Variants in CDKAL1 observed in about 807,000 individuals in gnomAD.
CDKAL1 encodes the protein threonylcarbamoyladenosine tRNA methylthiotransferase.
Under a neutral mutation model 68.2 loss-of-function variants are expected in CDKAL1, and 32 were observed. The ratio of observed to expected loss-of-function variants is 0.47; its 90% confidence interval spans 0.35 to 0.63. The LOEUF (loss-of-function observed/expected upper bound fraction) is 0.63, where lower values mean the gene tolerates loss of function less well. Among genes scored for constraint, CDKAL1 ranks in the 30% least tolerant of loss-of-function variants. CDKAL1 has a pLI of 0.00. For synonymous variants in CDKAL1, 234 were observed against 244.3 expected, an observed-to-expected ratio of 0.96 and a Z score of 0.39; for missense variants, 606 against 696.7, an observed-to-expected ratio of 0.87 and a Z score of 1.47.
At chr6:20,581,831 C>T (rs1383831100) in intron 4 of CDKAL1, among the ~76,000 whole-genome samples, 3 of 152,096 alleles carry the variant, frequency 2.0e-5, no homozygotes, top group Admixed American at 6.5e-5. Context: ...AACCCTTAAC[C>T]CCAAGTTTTT....
intron 8 of CDKAL1, among the ~76,000 whole-genome samples, chr6:20,807,326 C>T (rs1776613604): frequency 6.6e-6 from 1 of 151,998 alleles, no homozygotes. Context: ...TGGGTTCAAG[C>T]GATTCACCTG....
chr6:21,098,737 G>A lies in CDKAL1; in HGVS notation c.1237-9664G>A, dbSNP rs77395640. Among the ~76,000 whole-genome samples, 750 of 152,172 alleles carry A rather than the reference G, an allele frequency of 4.9e-3. 8 individuals are homozygous for A. Among genetic ancestry groups the A allele is most frequent in the African/African-American group, 0.017 (700 of 41,504 alleles). On this transcript the variant is annotated intron_variant, in intron 12 of 15. Coordinates refer to ENST00000274695, the MANE Select transcript of CDKAL1 (RefSeq NM_017774.3). Reference sequence around the variant, plus strand: ...CTTTCTGTTTGGGAGGATCCTGCATGGAAGAGGTGATCTTTGAATAGGGCT... The same window carrying A: ...CTTTCTGTTTGGGAGGATCCTGCATAGAAGAGGTGATCTTTGAATAGGGCT...
chr6:21,184,661 T>A (rs750161706), intron 13 of CDKAL1, among the ~76,000 whole-genome samples: 13 of 152,190 alleles, frequency 8.5e-5, no homozygotes, highest in African/African-American at 1.4e-4. Context: ...TTAATTAATT[T>A]ATTTATTTGA....
chr6:20,737,726 A>T (rs1344097953), intron 5 of CDKAL1, among the ~76,000 whole-genome samples: 1 of 152,236 alleles, frequency 6.6e-6, no homozygotes, highest in African/African-American at 2.4e-5. Flanking sequence ...ATTCTCTTGG[A>T]TGTGTTATGC....
chr6:21,012,903 C>A (rs1427613910), intron 11 of CDKAL1, among the ~76,000 whole-genome samples: 2 of 152,304 alleles, frequency 1.3e-5, no homozygotes, highest in African/African-American at 4.8e-5. Context: ...TTTTGGCAGT[C>A]CAAGTCCCTC....
At chr6:21,207,220 A>ATT (rs141248027) in intron 15 of CDKAL1, among the ~76,000 whole-genome samples, 24 of 142,272 alleles carry the variant, frequency 1.7e-4, no homozygotes, top group East Asian at 2.2e-4. Context: ...GCCTACTTTA[A>ATT]ATTTTTTTTT....
chr6:20,714,031 G>A (rs1771968352), intron 5 of CDKAL1, among the ~76,000 whole-genome samples: 2 of 151,914 alleles, frequency 1.3e-5, no homozygotes, highest in Admixed American at 1.3e-4. Context: ...TTTTAAAAAT[G>A]AAAAATGCTT....
chr6:21,139,720 C>T (rs1379868250), intron 13 of CDKAL1, among the ~76,000 whole-genome samples: 3 of 152,088 alleles, frequency 2.0e-5, no homozygotes, highest in Non-Finnish European at 4.4e-5. Context: ...GTTGCCCAGG[C>T]TGGTCTCAAA....
At chr6:20,945,204 A>G (rs111915586) in intron 9 of CDKAL1, among the ~76,000 whole-genome samples, 2,332 of 152,252 alleles carry the variant, frequency 0.015, 55 homozygotes, top group African/African-American at 0.052. Context: ...TAATCCAAAA[A>G]TCCAAAATCC....
intron 11 of CDKAL1, among the ~76,000 whole-genome samples, chr6:21,012,852 T>G (rs905014244): frequency 1.3e-5 from 2 of 152,294 alleles, no homozygotes; most frequent in East Asian, 1.9e-4. Context: ...CGGCAATTGC[T>G]TTAGGGGTTG....
intron 7 of CDKAL1, among the ~76,000 whole-genome samples, chr6:20,761,266 T>C (rs1377888066): frequency 1.3e-5 from 2 of 152,204 alleles, no homozygotes; most frequent in Non-Finnish European, 2.9e-5. Flanking sequence ...ATCCAAAACA[T>C]TGACAACACC....
chr6:21,083,931 G>C (rs1772556529), intron 12 of CDKAL1, among the ~76,000 whole-genome samples: 3 of 152,182 alleles, frequency 2.0e-5, no homozygotes, highest in African/African-American at 4.8e-5. Flanking sequence ...CTTCTCAGAA[G>C]ATCTGAGAAG....
rs551465252 is a variant in CDKAL1 at position 21,206,198 on chromosome 6, C to T, written c.1548+4924C>T. Among the ~76,000 whole-genome samples the T allele has an allele frequency of 5.9e-5, 9 of 152,026 alleles. No individual in the cohort carries two copies. The East Asian group carries it at 1.2e-3, about 20-fold the overall frequency. ...CCATTTTAATTGCAGGAGTCTTATTCGATAACTTCTGGACACCAGTTTCTT... is the reference window on the plus strand; with the variant it reads ...CCATTTTAATTGCAGGAGTCTTATTTGATAACTTCTGGACACCAGTTTCTT... On this transcript the variant is annotated intron_variant, in intron 15 of 15. Transcript: ENST00000274695.
At chr6:21,071,239 G>A (rs554663185) in intron 12 of CDKAL1, among the ~76,000 whole-genome samples, 2 of 152,268 alleles carry the variant, frequency 1.3e-5, no homozygotes, top group East Asian at 1.9e-4. Flanking sequence ...GGTGGGAGGT[G>A]ATTGGATCAT....
chr6:20,845,386 A>G (rs950526701), intron 8 of CDKAL1, among the ~76,000 whole-genome samples: 1 of 152,072 alleles, frequency 6.6e-6, no homozygotes, highest in South Asian at 2.1e-4. Context: ...CCAATATTTT[A>G]GTTTTAAAAA....
At chr6:20,844,877 T>C (rs887709174) in intron 8 of CDKAL1, among the ~76,000 whole-genome samples, 1 of 152,198 alleles carries the variant, frequency 6.6e-6, no homozygotes, top group Non-Finnish European at 1.5e-5. Flanking sequence ...ACTGGGAGAC[T>C]AGAACCTCTA....
intron 13 of CDKAL1, among the ~76,000 whole-genome samples, chr6:21,131,658 A>T (rs1775327858): frequency 6.6e-6 from 1 of 152,170 alleles, no homozygotes; most frequent in Non-Finnish European, 1.5e-5. Context: ...CATTCCTAAC[A>T]CTAGAAAAAA....
intron 4 of CDKAL1, among the ~76,000 whole-genome samples, chr6:20,589,037 A>T (rs1024752433): frequency 2.0e-5 from 3 of 152,156 alleles, no homozygotes; most frequent in African/African-American, 4.8e-5. Context: ...CAAAAAGGAG[A>T]TATCTTGCTT....
chr6:20,818,823 C>A (rs1777156615), intron 8 of CDKAL1, among the ~76,000 whole-genome samples: 1 of 151,552 alleles, frequency 6.6e-6, no homozygotes, highest in Non-Finnish European at 1.5e-5. Context: ...TAATGTAATA[C>A]CCTGGGGAGT....
Sources: gnomAD v4.1 joint callset for allele counts (sites outside exome capture counted in the v4.1 genomes callset) on GRCh38, gnomAD v4.1.1 for gene constraint, MANE v1.5 for transcripts, NCBI Gene and HGNC (gene_info 2026-07-23, HGNC 2026-07-21) for gene names.